CBX5: variants seen among roughly 807,000 people sequenced by gnomAD.
CBX5 encodes chromobox 5.
CBX5 carries 7 observed loss-of-function variants against 20.7 expected under a neutral mutation model. That is an observed-to-expected ratio of 0.34 (90% CI 0.19 to 0.63). The LOEUF (loss-of-function observed/expected upper bound fraction) is 0.63. Ranked by LOEUF, CBX5 falls within the 30% of genes least tolerant of loss-of-function variation. The probability of loss-of-function intolerance (pLI) is 0.75; values close to 1 mark genes in which losing one functional copy is unlikely to be tolerated. For missense variants in CBX5, 110 were observed against 224.1 expected (o/e 0.49, Z 3.25); for synonymous variants, 78 against 77.0 (o/e 1.01, Z -0.07).
chr12:54,242,394 G>T (rs1001949701), intron 4 of CBX5, among the ~76,000 whole-genome samples: 99 of 152,012 alleles, frequency 6.5e-4, no homozygotes, highest in African/African-American at 2.2e-3. Flanking sequence ...GCGTGGTGGC[G>T]GGCGCCTGTA....
intron 1 of CBX5, among the ~76,000 whole-genome samples, chr12:54,265,655 A>G (rs557323663): frequency 5.7e-4 from 87 of 152,350 alleles, no homozygotes; most frequent in African/African-American, 2.0e-3. Context: ...CGAGCCACAT[A>G]TAGACAACAC....
intron 1 of CBX5, among the ~76,000 whole-genome samples, chr12:54,269,963 C>T (rs1444705627): frequency 6.6e-6 from 1 of 152,070 alleles, no homozygotes; most frequent in Non-Finnish European, 1.5e-5. Context: ...GTATTCGTAT[C>T]GTTTTTCAAA....
chr12:54,243,984 T>C (rs888738744), intron 4 of CBX5, among the ~76,000 whole-genome samples: 2 of 152,068 alleles, frequency 1.3e-5, no homozygotes, highest in Admixed American at 6.6e-5. Context: ...TCAGATAAAA[T>C]GTTAAGCCTT....
chr12:54,247,323 G>A, intron 3 of CBX5, among the ~76,000 whole-genome samples: 1 of 152,194 alleles, frequency 6.6e-6, no homozygotes, highest in East Asian at 1.9e-4. Flanking sequence ...GCTGACATAG[G>A]AGGATTGCTT....
intron 1 of CBX5, chr12:54,272,184 T>G (rs898721222): frequency 1.3e-5 from 2 of 152,280 alleles, no homozygotes; most frequent in South Asian, 2.1e-4. Context: ...GGCTCAGATA[T>G]GAACTTGCTT....
At chr12:54,258,386 AAAT>A (rs1943883550) in intron 1 of CBX5, 1 of 152,200 alleles carries the variant, frequency 6.6e-6, no homozygotes, top group Non-Finnish European at 1.5e-5. Context: ...CTAAAATTCA[AAAT>A]TAGTCACTAG....
chr12:54,278,361 C>A (rs1443511965), intron 1 of CBX5, among the ~76,000 whole-genome samples: 1 of 152,186 alleles, frequency 6.6e-6, no homozygotes, highest in Non-Finnish European at 1.5e-5. Flanking sequence ...AGAAGCTCAG[C>A]AACTCCATTA....
intron 3 of CBX5, among the ~76,000 whole-genome samples, chr12:54,246,556 C>A (rs1032695817): frequency 6.6e-6 from 1 of 151,740 alleles, no homozygotes. Flanking sequence ...CCAAGGCAGG[C>A]GAATCACAAG....
At chr12:54,255,054 T>C (rs1340627764) in intron 2 of CBX5, among the ~76,000 whole-genome samples, 1 of 152,194 alleles carries the variant, frequency 6.6e-6, no homozygotes, top group African/African-American at 2.4e-5. Flanking sequence ...TATAATGCGA[T>C]TATCCCTTTT....
At chr12:54,252,303 T>C in intron 2 of CBX5, 76 bp from the exon 3 acceptor site, 1 of 1,005,414 alleles carries the variant, frequency 9.9e-7, no homozygotes. Context: ...ATGCCTTATT[T>C]CAAAGAGGAC....
rs1306112943 is a variant in CBX5 at position 54,237,838 on chromosome 12, TA to T, written c.*3916del. ...AACTGGAATTTAAAAAAAATTGTATTACTGAAAGTGCTCCATGAGAGCAAAC... is the reference window on the plus strand; with the variant it reads ...AACTGGAATTTAAAAAAAATTGTATTCTGAAAGTGCTCCATGAGAGCAAAC... On this transcript the variant is annotated 3_prime_UTR_variant, in exon 5 of 5. Transcript: ENST00000209875. 1 of 152,256 alleles carries T rather than the reference TA, an allele frequency of 6.6e-6. No individual in the cohort carries two copies. Among genetic ancestry groups the T allele is most frequent in the East Asian group, 1.9e-4 (1 of 5,200 alleles). 9.4% of individuals were successfully genotyped at this position (152,256 alleles called of 1,614,324 possible).
chr12:54,278,476 T>C (rs920322726), intron 1 of CBX5, among the ~76,000 whole-genome samples: 1 of 152,214 alleles, frequency 6.6e-6, no homozygotes, highest in African/African-American at 2.4e-5. Context: ...TAAACTGCTA[T>C]TAAAATCGTC....
rs191159282 is a variant in CBX5 at position 54,241,581 on chromosome 12, A to C, written c.*174T>G. 1.5e-5 allele frequency: 9 copies of C among 599,280 alleles called. No homozygotes were observed. The East Asian group carries it at 2.6e-4, about 17-fold the overall frequency. The allele number at this position is 599,280 out of a possible 1,614,324, so 37.1% of individuals were successfully genotyped here. The stretch of plus-strand genomic sequence containing the variant: ...CACAGAGAGACACTTATCATTAATC[A>C]GACCATCAGTTATGTTACAAGAGAA... On this transcript the variant is annotated 3_prime_UTR_variant, in exon 5 of 5. Transcript: ENST00000209875.
intron 4 of CBX5, among the ~76,000 whole-genome samples, chr12:54,245,852 C>T (rs866324487): frequency 3.7e-4 from 56 of 152,112 alleles, no homozygotes; most frequent in Middle Eastern, 3.4e-3. Context: ...GTGGCGGGCA[C>T]CTGTCATCCC....
At chr12:54,272,383 A>T (rs1167220682) in intron 1 of CBX5, 1 of 152,192 alleles carries the variant, frequency 6.6e-6, no homozygotes, top group Non-Finnish European at 1.5e-5. Context: ...TGGAACAGGC[A>T]TTCAGTGAGT....
At chr12:54,246,048 T>C in intron 4 of CBX5, 67 bp downstream of exon 4, 2 of 1,055,812 alleles carry the variant, frequency 1.9e-6, no homozygotes, top group Non-Finnish European at 3.0e-6. Context: ...TGCCACCCTA[T>C]CTTCCACACA....
intron 2 of CBX5, among the ~76,000 whole-genome samples, chr12:54,253,518 C>G (rs1398335285): frequency 6.6e-6 from 1 of 151,966 alleles, no homozygotes; most frequent in Non-Finnish European, 1.5e-5. Flanking sequence ...TTGAGCCCAA[C>G]AGTTCAAAGA....
chr12:54,252,394 G>GA (rs397737743), intron 2 of CBX5, 167 bp from the exon 3 acceptor site: 13,665 of 263,184 alleles, frequency 0.052, 15 homozygotes, highest in Non-Finnish European at 0.056. Context: ...CAGGAAAAAT[G>GA]AAAAAAAAAA....
intron 1 of CBX5, among the ~76,000 whole-genome samples, chr12:54,260,168 A>G (rs1350926226): frequency 1.3e-5 from 2 of 151,730 alleles, no homozygotes; most frequent in African/African-American, 4.8e-5. Flanking sequence ...ACCAAAAAAA[A>G]AAAAAAAAAA....
Sources: allele counts gnomAD v4.1 joint callset (sites outside exome capture counted in the v4.1 genomes callset), GRCh38; gene constraint gnomAD v4.1.1; transcripts MANE v1.5; gene names NCBI Gene and HGNC (gene_info 2026-07-23, HGNC 2026-07-21).